The following EPB41L2 variants were observed in gnomAD, a reference collection of about 807,000 sequenced individuals.
EPB41L2 encodes band 4.1-like protein 2.
In EPB41L2, 43 loss-of-function variants were observed where a neutral mutation model predicts 113.0. That is an observed-to-expected ratio of 0.38 (90% CI 0.30 to 0.49). The LOEUF (loss-of-function observed/expected upper bound fraction) is 0.49, where lower values mean the gene tolerates loss of function less well. EPB41L2 is among the 20% of genes least tolerant of loss of function. EPB41L2 has a pLI of 0.95. For missense variants in EPB41L2, 1,147 were observed against 1,223.4 expected, an observed-to-expected ratio of 0.94 and a Z score of 0.93; for synonymous variants, 442 against 436.7, an observed-to-expected ratio of 1.01 and a Z score of -0.15.
chr6:130,920,719 A>T (rs769963163), intron 4 of EPB41L2, among the ~76,000 whole-genome samples: 1 of 152,080 alleles, frequency 6.6e-6, no homozygotes, highest in Non-Finnish European at 1.5e-5. Context: ...TATGTTGCCC[A>T]GGCTGGTCTC....
At chr6:130,917,956 A>G (rs1400475341) in intron 4 of EPB41L2, among the ~76,000 whole-genome samples, 1 of 152,218 alleles carries the variant, frequency 6.6e-6, no homozygotes, top group African/African-American at 2.4e-5. Context: ...TGTTAAAAGT[A>G]GTTTTGTCTA....
At chr6:130,903,611 T>C (rs1336823629) in intron 6 of EPB41L2, among the ~76,000 whole-genome samples, 1 of 152,126 alleles carries the variant, frequency 6.6e-6, no homozygotes, top group Non-Finnish European at 1.5e-5. Flanking sequence ...AGTCATGCAC[T>C]GCACACAGTT....
intron 1 of EPB41L2, among the ~76,000 whole-genome samples, chr6:131,055,877 T>A (rs1797484507): frequency 6.6e-6 from 1 of 152,168 alleles, no homozygotes. Flanking sequence ...GGTTATTGAT[T>A]ATCAAAGCTT....
At position 130,991,065 on chromosome 6, in the gene EPB41L2, G is replaced by A. The variant is rs552227721; in HGVS notation, c.-14-34566C>T. Among the ~76,000 whole-genome samples the A allele has an allele frequency of 5.9e-5, 9 of 152,168 alleles. No individual in the cohort carries two copies. In the East Asian group the frequency reaches 7.7e-4, roughly 13 times the overall value. On this transcript the variant is annotated intron_variant, in intron 1 of 19. Transcript: ENST00000337057. ...AGGATGGTCTCAATCTCGTAACCTC[G>A]TGATCCGCCAGCTTCAGCCTCCCAA...
intron 3 of EPB41L2, among the ~76,000 whole-genome samples, chr6:130,927,021 A>G (rs2128553765): frequency 6.6e-6 from 1 of 152,328 alleles, no homozygotes; most frequent in South Asian, 2.1e-4. Context: ...AAAATGTTCA[A>G]ACTGCTTCCA....
intron 4 of EPB41L2, among the ~76,000 whole-genome samples, chr6:130,914,392 T>A (rs183804088): frequency 1.2e-4 from 18 of 152,288 alleles, no homozygotes; most frequent in African/African-American, 3.4e-4. Context: ...AGTTAATAAA[T>A]CAGACTTTCG....
At position 130,858,228 on chromosome 6, in the gene EPB41L2, T is replaced by A. The variant is rs1780901749; in HGVS notation, c.2926A>T (p.Ile976Phe). Residue 976 changes from isoleucine (I) to phenylalanine (F), a missense_variant, in exon 19 of 20, where the codon ATC (isoleucine) becomes TTC (phenylalanine). By Grantham distance (21) the Ile-to-Phe change is conservative (BLOSUM62 0). Transcript: ENST00000337057. ...GGGTGCTGCTCTCTGGCTTCCCTGA[T>A]CGCCTGAGCCAGTGCCTGCCAGGGT... ...IDHDQALAQA[I>F]REAREQHPDM... 1.9e-6 allele frequency: 3 copies of A among 1,612,782 alleles called. No homozygotes were observed. The highest frequency in any genetic ancestry group is 2.5e-6 in the Non-Finnish European group (3 of 1,179,384).
At chr6:130,924,153 T>C (rs1239996604) in intron 4 of EPB41L2, among the ~76,000 whole-genome samples, 2 of 152,212 alleles carry the variant, frequency 1.3e-5, no homozygotes, top group Non-Finnish European at 2.9e-5. Context: ...TGTGACAGGA[T>C]TTCCTTCTTT....
chr6:130,858,395 G>T, intron 18 of EPB41L2, 152 bp from the exon 19 acceptor site: 1 of 563,416 alleles, frequency 1.8e-6, no homozygotes, highest in Non-Finnish European at 3.1e-6. Flanking sequence ...TTTGAAATGG[G>T]TTCACTGTCA....
At chr6:130,882,476 T>C (rs1789627284) in intron 12 of EPB41L2, 1 of 152,630 alleles carries the variant, frequency 6.6e-6, no homozygotes, top group African/African-American at 2.4e-5. Context: ...AGATAAAGTG[T>C]ATTGTGTTGA....
chr6:131,052,008 C>G (rs1796668368), intron 1 of EPB41L2, among the ~76,000 whole-genome samples: 1 of 150,742 alleles, frequency 6.6e-6, no homozygotes, highest in Admixed American at 6.6e-5. Context: ...ATGATCTCGG[C>G]TCACTGCAAC....
chr6:130,916,653 AATGC>A (rs1189358950), intron 4 of EPB41L2, among the ~76,000 whole-genome samples: 1,870 of 152,298 alleles, frequency 0.012, 36 homozygotes, highest in South Asian at 0.039. Context: ...AAACTCCTGT[AATGC>A]TCTCTGCTAC....
chr6:130,926,124 T>A (rs1334193401), intron 4 of EPB41L2, among the ~76,000 whole-genome samples: 1 of 152,200 alleles, frequency 6.6e-6, no homozygotes, highest in Non-Finnish European at 1.5e-5. Flanking sequence ...GTGTTCTTGG[T>A]ATCCTCAGAC....
At chr6:131,020,637 C>A (rs1218706879) in intron 1 of EPB41L2, among the ~76,000 whole-genome samples, 1 of 152,134 alleles carries the variant, frequency 6.6e-6, no homozygotes, top group Non-Finnish European at 1.5e-5. Context: ...GTGAGAGATG[C>A]CAATCAATAA....
chr6:131,053,878 C>T (rs1195273615), intron 1 of EPB41L2, among the ~76,000 whole-genome samples: 2 of 152,232 alleles, frequency 1.3e-5, no homozygotes, highest in African/African-American at 4.8e-5. Context: ...ACAGGCTGTG[C>T]AGCCCTTAAT....
chr6:130,846,091 T>C (rs997955118), intron 19 of EPB41L2, among the ~76,000 whole-genome samples: 1 of 152,206 alleles, frequency 6.6e-6, no homozygotes, highest in Non-Finnish European at 1.5e-5. Flanking sequence ...TGCAAGCTTT[T>C]AGGTGAACAT....
At chr6:130,868,735 C>A (rs1260924349) in intron 15 of EPB41L2, 5 of 152,080 alleles carry the variant, frequency 3.3e-5, no homozygotes, top group Non-Finnish European at 7.4e-5. Flanking sequence ...GGAAATAAAC[C>A]CTCCCTCAGC....
chr6:131,039,058 G>T (rs553181320), intron 1 of EPB41L2, among the ~76,000 whole-genome samples: 3 of 151,988 alleles, frequency 2.0e-5, no homozygotes, highest in Admixed American at 1.3e-4. Context: ...ATTAGAAAAC[G>T]GTTCTTCACA....
intron 1 of EPB41L2, among the ~76,000 whole-genome samples, chr6:131,053,796 A>T (rs1168090133): frequency 6.6e-6 from 1 of 152,224 alleles, no homozygotes; most frequent in East Asian, 1.9e-4. Context: ...TACTGAGTTG[A>T]TCATAACCCT....
Sources: allele counts gnomAD v4.1 joint callset (sites outside exome capture counted in the v4.1 genomes callset), GRCh38; gene constraint gnomAD v4.1.1; transcripts MANE v1.5; gene names NCBI Gene and HGNC (gene_info 2026-07-23, HGNC 2026-07-21).